The following PCDH11X variants were observed in gnomAD, a reference collection of about 807,000 sequenced individuals.
The protein encoded by PCDH11X is protocadherin 11 X-linked.
Under a neutral mutation model 53.3 loss-of-function variants are expected in PCDH11X, and 18 were observed. The ratio of observed to expected loss-of-function variants is 0.34; its 90% CI spans 0.23 to 0.50. The LOEUF (loss-of-function observed/expected upper bound fraction) is 0.50. Ranked by LOEUF, PCDH11X falls within the 20% of genes least tolerant of loss-of-function variation. The pLI is 0.98. For synonymous variants in PCDH11X, 279 were observed against 393.3 expected (o/e 0.71, Z 3.44); for missense variants, 570 against 1,032.4 (o/e 0.55, Z 6.14).
intron 10 of PCDH11X, among the ~76,000 whole-genome samples, chrX:92,570,269 T>C (rs1462533499): frequency 8.9e-6 from 1 of 111,992 alleles, no homozygotes; most frequent in Non-Finnish European, 1.9e-5. Context: ...TCAATGTGCA[T>C]GTCTTGCTAG....
chrX:91,950,099 A>T (rs2061620845), intron 6 of PCDH11X, among the ~76,000 whole-genome samples: 1 of 110,620 alleles, frequency 9.0e-6, no homozygotes, highest in African/African-American at 3.3e-5. Flanking sequence ...CAGCATTTCA[A>T]AATGTATTTC....
rs1474208447 is a variant in PCDH11X, at chrX:92,619,233, T to G, written c.*293T>G. The G allele has an allele frequency of 1.4e-5, 5 of 358,954 alleles. No homozygotes were observed. In the Admixed American group the frequency reaches 2.5e-4, roughly 18 times the overall value. 29.6% of individuals were successfully genotyped at this position (358,954 alleles called of 1,213,427 possible). On this transcript the variant is annotated 3_prime_UTR_variant, in exon 11 of 11. Transcript: ENST00000682573. ...TTCTGATGTACAGTATTTTTTGTTGTTTTTATCATCATGTGCAATATTACT... is the reference window on the plus strand; with the variant it reads ...TTCTGATGTACAGTATTTTTTGTTGGTTTTATCATCATGTGCAATATTACT...
At chrX:92,470,707 C>T (rs2073244846) in intron 10 of PCDH11X, among the ~76,000 whole-genome samples, 1 of 111,270 alleles carries the variant, frequency 9.0e-6, no homozygotes, top group Non-Finnish European at 1.9e-5. Context: ...TTGAAATAAT[C>T]ATATGATTTT....
At chrX:92,118,999 C>T (rs1163968835) in intron 6 of PCDH11X, among the ~76,000 whole-genome samples, 5 of 110,251 alleles carry the variant, frequency 4.5e-5, no homozygotes, top group East Asian at 5.7e-4. Flanking sequence ...CCTCAGCCTC[C>T]CAAAGTGCTG....
At chrX:92,595,387 G>A (rs1164868978) in intron 10 of PCDH11X, among the ~76,000 whole-genome samples, 1 of 110,917 alleles carries the variant, frequency 9.0e-6, no homozygotes, top group Non-Finnish European at 1.9e-5. Flanking sequence ...TTTAATCTGA[G>A]ATTTCCTATG....
In PCDH11X at chrX:91,991,040, T is replaced by C. The variant is rs572540454; in HGVS notation, c.3033+111767T>C. Among the ~76,000 whole-genome samples, 126 of 108,685 alleles carry C rather than the reference T, an allele frequency of 1.2e-3. 3 individuals carry two copies. The South Asian group carries it at 0.052, about 45-fold the overall frequency. The allele number at this position is 108,685 out of a possible 115,157, so 94.4% of individuals were successfully genotyped here. Reference sequence around the variant, plus strand: ...GTCATTGCTAGCTTAAGATGGGAGCTCTGGCTTTCCACTAGGTCTCCACTG... The same window carrying C: ...GTCATTGCTAGCTTAAGATGGGAGCCCTGGCTTTCCACTAGGTCTCCACTG... On this transcript the variant is annotated intron_variant, in intron 6 of 10. Coordinates refer to ENST00000682573, the MANE Select transcript of PCDH11X (RefSeq NM_032968.5).
intron 1 of PCDH11X, among the ~76,000 whole-genome samples, chrX:91,784,927 C>G (rs1935279064): frequency 9.0e-6 from 1 of 111,117 alleles, no homozygotes; most frequent in Non-Finnish European, 1.9e-5. Context: ...ATCAAGGTTT[C>G]TTCCTTTCTG....
chrX:91,825,356 G>T (rs758216565), intron 4 of PCDH11X, among the ~76,000 whole-genome samples: 57 of 111,780 alleles, frequency 5.1e-4, no homozygotes, highest in African/African-American at 1.8e-3. Context: ...TTCCGAGCCA[G>T]GTGCAGGATA....
rs34379992 is a variant in PCDH11X at position 92,115,585 on chromosome X, C to T, written c.3034-85790C>T. Among the ~76,000 whole-genome samples the T allele has an allele frequency of 2.2e-4, 24 of 110,580 alleles. No individual in the cohort carries two copies. In the East Asian group the frequency reaches 4.6e-3, roughly 21 times the overall value. ...CTAGGAAGCCAGTAGTGGCTCATTC[C>T]GAGTCCCAAAACCTCGAAAGTAGGG... On this transcript the variant is annotated intron_variant, in intron 6 of 10. Coordinates refer to ENST00000682573, the MANE Select transcript of PCDH11X (RefSeq NM_032968.5).
chrX:92,012,443 T>A (rs1412744468), intron 6 of PCDH11X, among the ~76,000 whole-genome samples: 1 of 111,700 alleles, frequency 9.0e-6, no homozygotes, highest in Admixed American at 9.6e-5. Context: ...AGAGGACTTT[T>A]TTCCCTTAAA....
chrX:91,844,370 G>C (rs773313653), intron 5 of PCDH11X, among the ~76,000 whole-genome samples: 1 of 110,259 alleles, frequency 9.1e-6, no homozygotes, highest in African/African-American at 3.3e-5. Context: ...TGAATCAAAT[G>C]TCTCCTCTTC....
chrX:92,585,613 AC>A (rs1191781542), intron 10 of PCDH11X, among the ~76,000 whole-genome samples: 4 of 108,799 alleles, frequency 3.7e-5, no homozygotes, highest in African/African-American at 1.3e-4. Context: ...CTCATGATCC[AC>A]CCGCCTCGGC....
chrX:92,541,104 G>C (rs1475739182), intron 10 of PCDH11X, among the ~76,000 whole-genome samples: 1 of 109,937 alleles, frequency 9.1e-6, no homozygotes, highest in African/African-American at 3.3e-5. Context: ...GCCCAGCCTA[G>C]CGCTTGGAGT....
chrX:91,957,358 C>T (rs2524708), intron 6 of PCDH11X, among the ~76,000 whole-genome samples: 4 of 111,361 alleles, frequency 3.6e-5, no homozygotes, highest in South Asian at 3.8e-4. Flanking sequence ...GAGTTTTCAG[C>T]GTTTTTGCAT....
intron 6 of PCDH11X, among the ~76,000 whole-genome samples, chrX:92,054,647 C>G (rs1419004757): frequency 1.2e-4 from 13 of 109,289 alleles, no homozygotes; most frequent in Non-Finnish European, 1.9e-4. Flanking sequence ...ATGGAGAAAC[C>G]CTGCCTCTAC....
At chrX:91,827,512 A>G (rs1244508877) in intron 4 of PCDH11X, among the ~76,000 whole-genome samples, 4 of 109,900 alleles carry the variant, frequency 3.6e-5, no homozygotes, top group Non-Finnish European at 5.7e-5. Flanking sequence ...TGGCATGTTC[A>G]TCATGAAATC....
rs182234042 is a variant in PCDH11X at position 92,007,021 on chromosome X, G to A, written c.3033+127748G>A. 9.4e-4 allele frequency among the ~76,000 whole-genome samples: 105 copies of A among 111,176 alleles called. No individual in the cohort carries two copies. In the East Asian group the frequency reaches 0.014, roughly 15 times the overall value. ...AGCTGGAGTGACAATAAGCACCCCT[G>A]TGGTCACCACCACTATGACCCTGCT... is the stretch of plus-strand genomic sequence containing the variant. On this transcript the variant is annotated intron_variant, in intron 6 of 10. Coordinates refer to ENST00000682573, the MANE Select transcript of PCDH11X (RefSeq NM_032968.5).
intron 6 of PCDH11X, among the ~76,000 whole-genome samples, chrX:92,011,753 A>C (rs1358873495): frequency 6.3e-5 from 7 of 111,522 alleles, no homozygotes; most frequent in Admixed American, 9.6e-5. Context: ...AGAATTGTTG[A>C]TAAAAACAGC....
At chrX:92,257,760 G>A (rs1020802064) in intron 7 of PCDH11X, among the ~76,000 whole-genome samples, 8 of 112,586 alleles carry the variant, frequency 7.1e-5, no homozygotes, top group Admixed American at 4.7e-4. Flanking sequence ...AGCCTTGGGC[G>A]GATCTGCCCC....
Sources: allele counts gnomAD v4.1 joint callset (sites outside exome capture counted in the v4.1 genomes callset), GRCh38; gene constraint gnomAD v4.1.1; transcripts MANE v1.5; gene names NCBI Gene and HGNC (gene_info 2026-07-23, HGNC 2026-07-21).